Variants in WDR54 observed in about 807,000 individuals in gnomAD.
WDR54 encodes the protein WD repeat domain 54, also known as WD repeat-containing protein 54.
Under a neutral mutation model 44.1 loss-of-function variants are expected in WDR54, and 44 were observed. That is an observed-to-expected ratio of 1.00 (90% CI 0.78 to 1.28). The LOEUF (loss-of-function observed/expected upper bound fraction) is 1.28. WDR54 is among the 50% of genes most tolerant of loss of function. WDR54 has a pLI of 0.00. For synonymous variants in WDR54, 169 were observed against 169.8 expected, an observed-to-expected ratio of 1.00 and a Z score of 0.04; for missense variants, 409 against 429.7, an observed-to-expected ratio of 0.95 and a Z score of 0.43.
Position 74,421,762 on chromosome 2 carries a change from G to A in WDR54, c.-56G>A, listed in dbSNP as rs1320898478. 4 of 644,824 alleles carry A rather than the reference G, an allele frequency of 6.2e-6. No individual in the cohort carries two copies. The Admixed American group carries it at 7.6e-5, about 12-fold the overall frequency. The allele number at this position is 644,824 out of a possible 1,614,324, so 39.9% of individuals were successfully genotyped here. ...CGTGCGTCGTCTCTATGGTGGCGGCGGATTTGGAGGGACCCTACGAACCAG... is the reference window on the plus strand; with the variant it reads ...CGTGCGTCGTCTCTATGGTGGCGGCAGATTTGGAGGGACCCTACGAACCAG... On this transcript the variant is annotated 5_prime_UTR_variant, in exon 1 of 10. Coordinates refer to ENST00000348227, the MANE Select transcript of WDR54 (RefSeq NM_032118.4).
In WDR54 at chr2:74,423,327, G is replaced by A; in HGVS notation, c.294G>A (p.Glu98=). 2 of 1,613,804 alleles carry A rather than the reference G, an allele frequency of 1.2e-6. No homozygotes were observed. The highest frequency in any genetic ancestry group is 1.1e-5 in the South Asian group (1 of 91,058). The change falls in exon 4 of 10, where the codon GAG becomes GAA. Residue 98 remains glutamate (E), a synonymous_variant. Transcript: ENST00000348227. The part of the protein sequence containing the change: ...LTSHRGIQMY[E]SNGYTMVYWH... ...TTGCCCCGGTCTTCCAGATGTACGA[G>A]TCCAATGGCTACACCATGGTCTACT...
chr2:74,424,051 T>C (rs1193345856), intron 6 of WDR54, 69 bp downstream of exon 6: 18 of 1,595,076 alleles, frequency 1.1e-5, no homozygotes, highest in Non-Finnish European at 1.5e-5. Context: ...TGGCTTTGAG[T>C]CTTGGCTCTG....
chr2:74,424,130 T>C, intron 6 of WDR54, 148 bp downstream of exon 6: 1 of 906,594 alleles, frequency 1.1e-6, no homozygotes, highest in Non-Finnish European at 1.6e-6. Context: ...GGTTCAGTGA[T>C]AAAGCCAGAG....
chr2:74,425,186 T>C lies in WDR54; in HGVS notation c.747T>C (p.Asn249=). The change falls in exon 8 of 10, where the codon AAT becomes AAC. Residue 249 remains asparagine (N), a synonymous_variant. Coordinates refer to ENST00000348227, the MANE Select transcript of WDR54 (RefSeq NM_032118.4). Reference sequence around the variant, plus strand: ...CAGGAAATCTACATGTCCAGATCAATGCCCATGCCCGGGCCATCTGCGCCC... The same window carrying C: ...CAGGAAATCTACATGTCCAGATCAACGCCCATGCCCGGGCCATCTGCGCCC... ...ATTGNLHVQI[N]AHARAICALD... is the part of the protein sequence containing the mutation. 6.5e-7 allele frequency: 1 copy of C among 1,539,126 alleles called. No individual in the cohort carries two copies. The highest frequency in any genetic ancestry group is 1.3e-5 in the South Asian group (1 of 78,958).
rs773040868 is a variant in WDR54, at chr2:74,425,058, G to C, written c.636-17G>C. 23 of 1,611,872 alleles carry C rather than the reference G, an allele frequency of 1.4e-5. No individual in the cohort carries two copies. In the Middle Eastern group the frequency reaches 2.8e-3, roughly 196 times the overall value. On this transcript the variant is annotated splice_polypyrimidine_tract_variant and intron_variant, in intron 7 of 9. Coordinates refer to ENST00000348227, the MANE Select transcript of WDR54 (RefSeq NM_032118.4). ...GATTTGATCTGGGCAAAACAAAGTT[G>C]GGTGTCACCCTTGCAGAGTTCCGTG...
In WDR54 at chr2:74,422,549, C is replaced by T. The variant is rs185559261; in HGVS notation, c.222+174C>T. On this transcript the variant is annotated intron_variant, in intron 2 of 9. Transcript: ENST00000348227. ...GTGGCTCACGCCTGTAATCCCAACA[C>T]TTTGGGAGGCTGAGACGGGCACTTG... 727 of 785,334 alleles carry T rather than the reference C, an allele frequency of 9.3e-4. 4 individuals are homozygous for T. The East Asian group carries it at 0.018, about 20-fold the overall frequency. The allele number at this position is 785,334 out of a possible 1,614,324, so 48.6% of individuals were successfully genotyped here.
At position 74,422,276 on chromosome 2, in the gene WDR54, C is replaced by A. The variant is rs138373911; in HGVS notation, c.123C>A (p.Ser41Arg). The A allele has an allele frequency of 4.3e-6, 7 of 1,614,092 alleles. No homozygotes were observed. The Admixed American group carries it at 5.0e-5, about 12-fold the overall frequency. ...ATTTTGGCGTGGTTCATGGACCAAG[C>A]GCCCAGCTTCTCAGCGCTGCTCCTG... ...LTYFGVVHGP[S>R]AQLLSAAPEG... is the part of the protein sequence containing the mutation. The change falls in exon 2 of 10, where the codon AGC becomes AGA. Residue 41 changes from serine to arginine, a missense_variant. By Grantham distance (110) the Ser-to-Arg change is moderately radical (BLOSUM62 -1). Coordinates refer to ENST00000348227, the MANE Select transcript of WDR54 (RefSeq NM_032118.4).
At chr2:74,424,807 C>T in intron 6 of WDR54, 68 bp from the exon 7 acceptor site, 1 of 1,588,626 alleles carries the variant, frequency 6.3e-7, no homozygotes, top group Non-Finnish European at 8.6e-7. Flanking sequence ...CCTCCCTTCC[C>T]CTCCTGCCCT....
intron 1 of WDR54, 125 bp downstream of exon 1, chr2:74,421,941 TTCC>T: frequency 3.2e-6 from 2 of 619,442 alleles, no homozygotes; most frequent in Non-Finnish European, 2.9e-6. Flanking sequence ...GTCATCCCCA[TTCC>T]TCCTCTGCGA....
At chr2:74,423,104 G>A in intron 3 of WDR54, 172 bp downstream of exon 3, 1 of 841,290 alleles carries the variant, frequency 1.2e-6, no homozygotes, top group Non-Finnish European at 1.9e-6. Flanking sequence ...GTTTCCAAGT[G>A]CCACCTCCAG....
At position 74,422,145 on chromosome 2, in the gene WDR54, C is replaced by G. The variant is rs1558532305; in HGVS notation, c.-1-8C>G. 6.8e-6 allele frequency: 11 copies of G among 1,611,424 alleles called. No individual in the cohort carries two copies. Among genetic ancestry groups the G allele is most frequent in the Non-Finnish European group, 9.3e-6 (11 of 1,179,170 alleles). ...CGCGCCTGGTGATTCGGCTGCACCCCCACACAGGATGTTCCGCTGGGAGCG... is the reference window on the plus strand; with the variant it reads ...CGCGCCTGGTGATTCGGCTGCACCCGCACACAGGATGTTCCGCTGGGAGCG... On this transcript the variant is annotated splice_polypyrimidine_tract_variant and splice_region_variant and intron_variant, in intron 1 of 9. Transcript: ENST00000348227.
Position 74,422,882 on chromosome 2 carries a change from G to A in WDR54, c.235G>A (p.Val79Ile). The A allele has an allele frequency of 6.2e-6, 10 of 1,613,402 alleles. No homozygotes were observed. Among genetic ancestry groups the A allele is most frequent in the Non-Finnish European group, 8.5e-6 (10 of 1,179,892 alleles). ...CACCTCCCTCCAGGTCCACTGGTGT[G>A]TCCTCCCCTTCCGAGTGCTGCTGGT... ...PPLITQVHWC[V>I]LPFRVLLVLT... Residue 79 changes from valine (V) to isoleucine (I), a missense_variant, in exon 3 of 10, where the codon GTC becomes ATC. Val to Ile is a conservative substitution (Grantham distance 29). Coordinates refer to ENST00000348227, the MANE Select transcript of WDR54 (RefSeq NM_032118.4).
rs557845517 is a variant in WDR54, at chr2:74,423,367, T to C, written c.334T>C (p.Ser112Pro). The change falls in exon 4 of 10, where the codon TCT (serine) becomes CCT (proline). Residue 112 changes from serine to proline, a missense_variant. Transcript: ENST00000348227. ...YTMVYWHALD[S>P]GDASPVQAVF... ...CATGGTCTACTGGCATGCACTGGAC[T>C]CTGGAGATGCCTCCCCAGGTACCTG... 8 of 1,614,112 alleles carry C rather than the reference T, an allele frequency of 5.0e-6. No homozygotes were observed. In the African/African-American group the frequency reaches 9.3e-5, roughly 19 times the overall value.
At position 74,422,194 on chromosome 2, in the gene WDR54, C is replaced by T; in HGVS notation, c.41C>T (p.Ala14Val). The T allele has an allele frequency of 6.2e-7, 1 of 1,613,736 alleles. No homozygotes were observed. The highest frequency in any genetic ancestry group is 8.5e-7 in the Non-Finnish European group (1 of 1,180,024). ...WERSIPLRGSAAALCNNLSVL... is the reference protein window; with the variant it reads ...WERSIPLRGSVAALCNNLSVL... ...CGCTCCATTCCCCTGCGAGGCTCGG[C>T]CGCCGCCCTGTGCAACAACCTCAGT... Residue 14 changes from alanine (A) to valine (V), a missense_variant, in exon 2 of 10, where the codon GCC becomes GTC. Coordinates refer to ENST00000348227, the MANE Select transcript of WDR54 (RefSeq NM_032118.4).
In WDR54 at chr2:74,423,948, T is replaced by C. The variant is rs576308991; in HGVS notation, c.500T>C (p.Ile167Thr). 212 of 1,614,020 alleles carry C rather than the reference T, an allele frequency of 1.3e-4. 6 individuals are homozygous for C. In the South Asian group the frequency reaches 2.3e-3, roughly 17 times the overall value. Residue 167 changes from isoleucine (I) to threonine (T), a missense_variant, in exon 6 of 10, where the codon ATC becomes ACC. By Grantham distance (89) the Ile-to-Thr change is moderately conservative (BLOSUM62 -1). Transcript: ENST00000348227. ...SEELAGHQMPITDIATEPAQG... is the reference protein window; with the variant it reads ...SEELAGHQMPTTDIATEPAQG... ...GAGCTGGCTGGGCACCAGATGCCAA[T>C]CACAGACATTGCCACCGAGCCTGCC...
intron 3 of WDR54, 159 bp from the exon 4 acceptor site, chr2:74,423,160 C>A: frequency 2.1e-6 from 2 of 944,584 alleles, no homozygotes; most frequent in Non-Finnish European, 3.4e-6. Flanking sequence ...ATTAACTTCT[C>A]ACTCTCACTG....
chr2:74,424,564 C>A (rs538494537), intron 6 of WDR54, among the ~76,000 whole-genome samples: 1 of 152,176 alleles, frequency 6.6e-6, no homozygotes, highest in Non-Finnish European at 1.5e-5. Flanking sequence ...TGGTTCACTA[C>A]GAGACCTCCA....
intron 2 of WDR54, 51 bp downstream of exon 2, chr2:74,422,426 C>A (rs746117434): frequency 2.6e-5 from 40 of 1,546,210 alleles, no homozygotes; most frequent in Non-Finnish European, 3.5e-5. Flanking sequence ...CTACCCCCAG[C>A]CTTTTCTCTC....
chr2:74,424,139 A>C, intron 6 of WDR54, 157 bp downstream of exon 6: 2 of 838,830 alleles, frequency 2.4e-6, no homozygotes, highest in South Asian at 3.6e-5. Context: ...ATAAAGCCAG[A>C]GATACTTTAC....
Sources: gnomAD v4.1 joint callset for allele counts (sites outside exome capture counted in the v4.1 genomes callset) on GRCh38, gnomAD v4.1.1 for gene constraint, MANE v1.5 for transcripts, NCBI Gene and HGNC (gene_info 2026-07-23, HGNC 2026-07-21) for gene names.